PPFIBP1: variants seen among roughly 807,000 people sequenced by gnomAD.
PPFIBP1 encodes PPFIB scaffold protein 1.
Under a neutral mutation model 137.8 loss-of-function variants are expected in PPFIBP1, and 112 were observed. That is an observed-to-expected ratio of 0.81 (90% CI 0.70 to 0.95). The LOEUF (loss-of-function observed/expected upper bound fraction) is 0.95. Among genes scored for constraint, PPFIBP1 ranks in the 40% least tolerant of loss-of-function variants. The pLI is 0.00. For synonymous variants in PPFIBP1, 378 were observed against 417.3 expected, an observed-to-expected ratio of 0.91 and a Z score of 1.15; for missense variants, 1,083 against 1,196.6, an observed-to-expected ratio of 0.91 and a Z score of 1.40.
At chr12:27,527,451 C>T (rs1943898680) in intron 1 of PPFIBP1, among the ~76,000 whole-genome samples, 1 of 152,026 alleles carries the variant, frequency 6.6e-6, no homozygotes, top group Non-Finnish European at 1.5e-5. Context: ...CCATGTTGCT[C>T]AGGCTGGTCT....
At chr12:27,652,034 T>C (rs1462015193) in intron 7 of PPFIBP1, among the ~76,000 whole-genome samples, 1 of 152,220 alleles carries the variant, frequency 6.6e-6, no homozygotes, top group African/African-American at 2.4e-5. Context: ...TTAGAGCATA[T>C]GTGGTAAACT....
At chr12:27,638,942 A>G (rs2057898726) in intron 4 of PPFIBP1, among the ~76,000 whole-genome samples, 1 of 152,170 alleles carries the variant, frequency 6.6e-6, no homozygotes, top group Non-Finnish European at 1.5e-5. Context: ...TAACCTTTTC[A>G]TTAGTGCAAC....
chr12:27,626,618 G>A (rs2056840373), intron 2 of PPFIBP1, among the ~76,000 whole-genome samples: 3 of 152,122 alleles, frequency 2.0e-5, no homozygotes, highest in Admixed American at 2.0e-4. Flanking sequence ...CCAGGCTGGA[G>A]TGCAGTGGTG....
intron 25 of PPFIBP1, 98 bp from the exon 26 acceptor site, chr12:27,688,200 C>G (rs1033181493): frequency 7.7e-7 from 1 of 1,303,240 alleles, no homozygotes; most frequent in Non-Finnish European, 1.0e-6. Flanking sequence ...TTTCTTTTTG[C>G]ATTTAGTGGG....
Position 27,687,271 on chromosome 12 carries a change from G to A in PPFIBP1, c.2248-114G>A, listed in dbSNP as rs111983297. ...AAGTGGGTTCTGACAAGACCTTGGG[G>A]CATATTGGTTTGAGGGGCTCTTCTC... On this transcript the variant is annotated intron_variant, in intron 24 of 29. Coordinates refer to ENST00000228425, the MANE Select transcript of PPFIBP1 (RefSeq NM_003622.4). 1.0e-3 allele frequency: 1,314 copies of A among 1,264,452 alleles called. 12 individuals are homozygous for A. The African/African-American group carries it at 0.018, about 17-fold the overall frequency. The allele number at this position is 1,264,452 out of a possible 1,614,324, so 78.3% of individuals were successfully genotyped here. A position where few individuals can be genotyped will look rare whatever the true frequency, so the allele number is the denominator to read the frequency against.
At chr12:27,678,876 A>AAAAAAAAAAAAAAC (rs2060703493) in intron 19 of PPFIBP1, among the ~76,000 whole-genome samples, 3 of 106,632 alleles carry the variant, frequency 2.8e-5, no homozygotes, top group East Asian at 2.7e-4. Context: ...AAAAAAAAAA[A>AAAAAAAAAAAAAAC]AAAAACATTT....
At chr12:27,634,130 C>T (rs1443894056) in intron 3 of PPFIBP1, among the ~76,000 whole-genome samples, 3 of 150,064 alleles carry the variant, frequency 2.0e-5, no homozygotes, top group East Asian at 1.9e-4. Context: ...CCACCGTACC[C>T]GGCCATATCT....
chr12:27,670,877 G>T (rs1181654210), intron 13 of PPFIBP1, among the ~76,000 whole-genome samples: 7 of 151,678 alleles, frequency 4.6e-5, no homozygotes, highest in African/African-American at 1.5e-4. Context: ...ACCTGCAGGG[G>T]TAGGCATTGT....
At position 27,538,882 on chromosome 12, in the gene PPFIBP1, A is replaced by G. The variant is rs115369958; in HGVS notation, c.-124+14517A>G. Among the ~76,000 whole-genome samples the G allele has an allele frequency of 7.8e-3, 1,184 of 152,282 alleles. 13 individuals carry two copies. Among genetic ancestry groups the G allele is most frequent in the African/African-American group, 0.027 (1,127 of 41,554 alleles). ...TATACTTTTGTAGCAGTAGTTTTCA[A>G]TTGCAGTGATTTTGACCTGTAGCAG... On this transcript the variant is annotated intron_variant, in intron 1 of 29. Coordinates refer to ENST00000228425, the MANE Select transcript of PPFIBP1 (RefSeq NM_003622.4).
rs570307054 is a variant in PPFIBP1 at position 27,572,581 on chromosome 12, TA to T, written c.-123-5570del. Among the ~76,000 whole-genome samples the T allele has an allele frequency of 1.3e-4, 20 of 152,360 alleles. No homozygotes were observed. In the South Asian group the frequency reaches 3.5e-3, roughly 27 times the overall value. On this transcript the variant is annotated intron_variant, in intron 1 of 29. Transcript: ENST00000228425. ...AAACATGTGGGCCTGTTTGATGTAA[TA>T]TGTCAATAGATATTGCAAATACTAA...
intron 1 of PPFIBP1, among the ~76,000 whole-genome samples, chr12:27,558,519 T>C (rs893747162): frequency 1.2e-4 from 12 of 100,322 alleles, no homozygotes; most frequent in African/African-American, 4.9e-4. Context: ...GATCAAGAAA[T>C]GTCTTACTTC....
intron 26 of PPFIBP1, 31 bp downstream of exon 26, chr12:27,688,454 T>G (rs1290459362): frequency 1.9e-6 from 3 of 1,609,816 alleles, no homozygotes; most frequent in Non-Finnish European, 2.5e-6. Context: ...AAAATTGACT[T>G]ACTTTGCTTC....
At chr12:27,525,229 T>G (rs2036947667) in intron 1 of PPFIBP1, among the ~76,000 whole-genome samples, 2 of 152,162 alleles carry the variant, frequency 1.3e-5, no homozygotes, top group South Asian at 4.1e-4. Context: ...CAGTAAGAAC[T>G]GCGGAGAGCA....
chr12:27,577,970 AG>A (rs1339857568), intron 1 of PPFIBP1, among the ~76,000 whole-genome samples, 181 bp from the exon 2 acceptor site: 3 of 152,194 alleles, frequency 2.0e-5, no homozygotes, highest in Non-Finnish European at 1.5e-5. Flanking sequence ...ACGGGGAAGA[AG>A]GAAGAAGGAG....
At chr12:27,606,660 A>G (rs2054557391) in intron 2 of PPFIBP1, among the ~76,000 whole-genome samples, 1 of 152,226 alleles carries the variant, frequency 6.6e-6, no homozygotes, top group Non-Finnish European at 1.5e-5. Flanking sequence ...GGGTTGAAAA[A>G]TCAATTCCGT....
At chr12:27,616,051 C>T (rs915979476) in intron 2 of PPFIBP1, among the ~76,000 whole-genome samples, 1 of 151,950 alleles carries the variant, frequency 6.6e-6, no homozygotes, top group Non-Finnish European at 1.5e-5. Flanking sequence ...ACTTACTAAG[C>T]ACTTAATAAA....
chr12:27,599,390 T>C (rs2053704874), intron 2 of PPFIBP1: 1 of 451,698 alleles, frequency 2.2e-6, no homozygotes, highest in Non-Finnish European at 4.4e-6. Flanking sequence ...TATCAAGCCT[T>C]CAGACTCAGA....
chr12:27,684,769 TAA>T (rs1402906675), intron 24 of PPFIBP1, among the ~76,000 whole-genome samples: 4 of 151,954 alleles, frequency 2.6e-5, no homozygotes, highest in African/African-American at 9.7e-5. Flanking sequence ...TAATATATAT[TAA>T]AAAGTTTTTA....
At chr12:27,528,279 CA>C (rs1944008966) in intron 1 of PPFIBP1, among the ~76,000 whole-genome samples, 1 of 152,118 alleles carries the variant, frequency 6.6e-6, no homozygotes, top group South Asian at 2.1e-4. Context: ...ATAAAGGGAA[CA>C]AAATGTCTTC....
Sources: gnomAD v4.1 joint callset for allele counts (sites outside exome capture counted in the v4.1 genomes callset) on GRCh38, gnomAD v4.1.1 for gene constraint, MANE v1.5 for transcripts, NCBI Gene and HGNC (gene_info 2026-07-23, HGNC 2026-07-21) for gene names.